COL12A1: variants seen among roughly 807,000 people sequenced by gnomAD.
COL12A1 encodes collagen type XII alpha 1 chain, also known as collagen alpha-1(XII) chain.
A neutral mutation model predicts 349.7 loss-of-function variants in COL12A1; 114 were observed. That is an observed-to-expected ratio of 0.33 (90% CI 0.28 to 0.38). The LOEUF is 0.38. Ranked by LOEUF, COL12A1 falls within the 10% of genes least tolerant of loss-of-function variation. The pLI is 1.00. For synonymous variants in COL12A1, 1,369 were observed against 1,329.0 expected (o/e 1.03, Z -0.66); for missense variants, 3,284 against 3,756.9 (o/e 0.87, Z 3.29).
intron 2 of COL12A1, among the ~76,000 whole-genome samples, chr6:75,196,537 A>G (rs1341449505): frequency 6.6e-6 from 1 of 152,230 alleles, no homozygotes; most frequent in Non-Finnish European, 1.5e-5. Flanking sequence ...TACTATCCAT[A>G]CACAGGCAGT....
At chr6:75,123,439 C>A (rs902961702) in intron 42 of COL12A1, 35 bp from the exon 43 acceptor site, 53 of 1,470,884 alleles carry the variant, frequency 3.6e-5, no homozygotes, top group Admixed American at 1.1e-4. Context: ...AAAAACACAC[C>A]ATGTGCACAT....
At chr6:75,180,826 A>G in intron 11 of COL12A1, 113 bp downstream of exon 11, 1 of 1,255,414 alleles carries the variant, frequency 8.0e-7, no homozygotes, top group Admixed American at 2.5e-5. Context: ...GCCAAATCTT[A>G]CAAAGGCATT....
intron 25 of COL12A1, among the ~76,000 whole-genome samples, chr6:75,144,476 C>A (rs545716660): frequency 2.0e-5 from 3 of 152,186 alleles, no homozygotes; most frequent in Admixed American, 2.0e-4. Context: ...GCCTTCAAAA[C>A]TCTTCATTTT....
intron 2 of COL12A1, among the ~76,000 whole-genome samples, chr6:75,200,821 T>C (rs1053027120): frequency 2.0e-5 from 3 of 152,116 alleles, no homozygotes; most frequent in Non-Finnish European, 4.4e-5. Context: ...TTGTGGCTCA[T>C]ACCATATTTC....
chr6:75,112,491 G>C (rs953053594), intron 51 of COL12A1, among the ~76,000 whole-genome samples: 14 of 151,000 alleles, frequency 9.3e-5, no homozygotes, highest in African/African-American at 3.4e-4. Context: ...ATTTGTCAAC[G>C]AATTGTCCTT....
In COL12A1 at chr6:75,137,550, C is replaced by A. The variant is rs756315106; in HGVS notation, c.5281G>T (p.Val1761Leu). The part of the protein sequence containing the change: ...APKSGPRNLQ[V>L]YNATSNSLTV... Reference sequence around the variant, plus strand: ...AGGCTGTTAGATGTTGCATTGTACACTTGAAGGTTTCGTGGGCCACTTTTG... The same window carrying A: ...AGGCTGTTAGATGTTGCATTGTACAATTGAAGGTTTCGTGGGCCACTTTTG... Residue 1761 changes from valine to leucine, a missense_variant, in exon 31 of 66, where the codon GTG becomes TTG. Physicochemically the swap from Val to Leu is conservative, Grantham distance 32. Coordinates refer to ENST00000322507, the MANE Select transcript of COL12A1 (RefSeq NM_004370.6). 4 of 1,613,786 alleles carry A rather than the reference C, an allele frequency of 2.5e-6. No homozygotes were observed. Among genetic ancestry groups the A allele is most frequent in the Non-Finnish European group, 8.5e-7 (1 of 1,179,850 alleles).
At chr6:75,166,770 A>G (rs1582164450) in intron 13 of COL12A1, among the ~76,000 whole-genome samples, 1 of 152,168 alleles carries the variant, frequency 6.6e-6, no homozygotes, top group East Asian at 1.9e-4. Context: ...TACTTAACTC[A>G]AAGAGTTAAA....
At position 75,189,727 on chromosome 6, in the gene COL12A1, G is replaced by A. The variant is rs1769829163; in HGVS notation, c.483C>T (p.Asp161=). 6.2e-7 allele frequency: 1 copy of A among 1,613,268 alleles called. No individual in the cohort carries two copies. Among genetic ancestry groups the A allele is most frequent in the South Asian group, 1.1e-5 (1 of 91,058 alleles). The change falls in exon 6 of 66, where the codon GAC becomes GAT. Residue 161 remains aspartate, a synonymous_variant. Transcript: ENST00000322507. ...AAGCAGACACAAGAGCAGCAATGAAGTCTAAAATGTACTTGAAATTATTTC... is the reference window on the plus strand; with the variant it reads ...AAGCAGACACAAGAGCAGCAATGAAATCTAAAATGTACTTGAAATTATTTC... ...VGRNNFKYIL[D]FIAALVSAFD...
chr6:75,182,249 T>C (rs995619736), intron 10 of COL12A1, among the ~76,000 whole-genome samples: 9 of 36,136 alleles, frequency 2.5e-4, no homozygotes, highest in Non-Finnish European at 9.6e-4. Context: ...CTGGGGTACA[T>C]GTGCAGAACG....
intron 37 of COL12A1, among the ~76,000 whole-genome samples, chr6:75,129,428 G>A (rs1766189806): frequency 6.6e-6 from 1 of 152,160 alleles, no homozygotes; most frequent in South Asian, 2.1e-4. Flanking sequence ...TTCTGCAAAT[G>A]TATCACAGCA....
At chr6:75,109,254 GT>G (rs1768715810) in intron 51 of COL12A1, 87 bp from the exon 52 acceptor site, 7 of 947,966 alleles carry the variant, frequency 7.4e-6, no homozygotes, top group Non-Finnish European at 9.0e-6. Context: ...TTTTTTTGAA[GT>G]TTTTTAAGCT....
chr6:75,189,163 T>A, intron 7 of COL12A1, 54 bp downstream of exon 7: 1 of 1,552,242 alleles, frequency 6.4e-7, no homozygotes, highest in Non-Finnish European at 8.8e-7. Context: ...TTCCTAAACA[T>A]TAAGTATACT....
At position 75,181,206 on chromosome 6, in the gene COL12A1, C is replaced by A. The variant is rs200315815; in HGVS notation, c.1897G>T (p.Val633Phe). ...ELAAIKKKAY[V>F]PPKDLSFSEV... The stretch of plus-strand genomic sequence containing the variant: ...GAAAAACTAAGATCCTTTGGAGGGA[C>A]GTAAGCTATTTAAAAAAAAAAAAAG... The change falls in exon 11 of 66, where the codon GTC becomes TTC. Residue 633 changes from valine to phenylalanine, a missense_variant. This residue lies in a region of COL12A1 where 2,601 missense variants were observed against 2,824.8 expected (regional missense o/e 0.92). Transcript: ENST00000322507. 2.8e-4 allele frequency: 422 copies of A among 1,507,156 alleles called. No homozygotes were observed. In the African/African-American group the frequency reaches 6.6e-3, roughly 24 times the overall value. 93.4% of individuals were successfully genotyped at this position (1,507,156 alleles called of 1,614,324 possible). A position where few individuals can be genotyped will look rare whatever the true frequency, so the allele number is the denominator to read the frequency against.
chr6:75,196,872 GCCC>G lies in COL12A1; in HGVS notation c.74-1928_74-1926del, dbSNP rs1234973409. The stretch of plus-strand genomic sequence containing the variant: ...TTAAAACTGCTGAAGGGCAGTAGCA[GCCC>G]CCCTTGTTGATATCCAAATGACCAG... On this transcript the variant is annotated intron_variant, in intron 2 of 65. Coordinates refer to ENST00000322507, the MANE Select transcript of COL12A1 (RefSeq NM_004370.6). Among the ~76,000 whole-genome samples, 3 of 152,194 alleles carry G rather than the reference GCCC, an allele frequency of 2.0e-5. No homozygotes were observed. The East Asian group carries it at 5.8e-4, about 29-fold the overall frequency.
At chr6:75,139,149 G>T (rs1189046278) in intron 27 of COL12A1, among the ~76,000 whole-genome samples, 188 bp from the exon 28 acceptor site, 1 of 152,074 alleles carries the variant, frequency 6.6e-6, no homozygotes, top group Admixed American at 6.5e-5. Flanking sequence ...GATATAATAG[G>T]TTATTAAGGA....
Position 75,183,763 on chromosome 6 carries a change from A to G in COL12A1, c.1288+91T>C, listed in dbSNP as rs971137638. ...CTTTAAAAAAAAAACTATTGCAAAT[A>G]TTTCATTCAAAACTAAGTCCAAACA... On this transcript the variant is annotated intron_variant, in intron 9 of 65. Coordinates refer to ENST00000322507, the MANE Select transcript of COL12A1 (RefSeq NM_004370.6). The G allele has an allele frequency of 1.2e-5, 18 of 1,546,160 alleles. 1 individual carries two copies. Among genetic ancestry groups the G allele is most frequent in the Non-Finnish European group, 1.5e-5 (17 of 1,149,892 alleles).
intron 12 of COL12A1, among the ~76,000 whole-genome samples, chr6:75,175,917 T>C (rs377345913): frequency 3.5e-4 from 53 of 152,354 alleles, no homozygotes; most frequent in African/African-American, 1.2e-3. Flanking sequence ...TCTTTGTAGA[T>C]TGGTCATGTC....
chr6:75,098,852 G>T (rs191171212), intron 58 of COL12A1, among the ~76,000 whole-genome samples: 1 of 152,220 alleles, frequency 6.6e-6, no homozygotes, highest in African/African-American at 2.4e-5. Context: ...TCTCTGGCTC[G>T]TGCGCCCACA....
intron 43 of COL12A1, among the ~76,000 whole-genome samples, chr6:75,121,789 G>A (rs1222080510): frequency 1.3e-5 from 2 of 151,732 alleles, no homozygotes; most frequent in Non-Finnish European, 2.9e-5. Context: ...TAAATGAGAG[G>A]AGAAATCAAA....
Sources: allele counts gnomAD v4.1 joint callset (sites outside exome capture counted in the v4.1 genomes callset), GRCh38; gene constraint gnomAD v4.1.1; regional missense constraint gnomAD v4.1.1; transcripts MANE v1.5; gene names NCBI Gene and HGNC (gene_info 2026-07-23, HGNC 2026-07-21).